PDK1: variants seen among roughly 807,000 people sequenced by gnomAD.
PDK1 encodes the protein [Pyruvate dehydrogenase (acetyl-transferring)] kinase isozyme 1, mitochondrial.
A neutral mutation model predicts 54.2 loss-of-function variants in PDK1; 39 were observed. That is an observed-to-expected ratio of 0.72 (90% CI 0.56 to 0.94). The LOEUF (loss-of-function observed/expected upper bound fraction) is 0.94. PDK1 is among the 40% of genes least tolerant of loss of function. PDK1 has a pLI of 0.00. For synonymous variants in PDK1, 221 were observed against 207.1 expected (o/e 1.07, Z -0.58); for missense variants, 552 against 566.0 (o/e 0.98, Z 0.25).
chr2:172,655,333 G>C, the PDK1 span, among the ~76,000 whole-genome samples: 2 of 104,988 alleles, frequency 1.9e-5, no homozygotes, highest in Non-Finnish European at 4.0e-5. Flanking sequence ...ACATTTCCCA[G>C]TGTTGAACAA....
the PDK1 span, among the ~76,000 whole-genome samples, chr2:172,622,375 ATG>A: frequency 2.8e-5 from 4 of 143,540 alleles, no homozygotes; most frequent in Non-Finnish European, 3.0e-5. Flanking sequence ...ATCATATATT[ATG>A]TGAGATATGT....
At chr2:172,700,234 C>T in the PDK1 span, among the ~76,000 whole-genome samples, 1 of 152,192 alleles carries the variant, frequency 6.6e-6, no homozygotes, top group Admixed American at 6.5e-5. Context: ...ACAAAACCGC[C>T]ATCGTCATCA....
At chr2:172,680,460 T>A in the PDK1 span, among the ~76,000 whole-genome samples, 18 of 152,244 alleles carry the variant, frequency 1.2e-4, no homozygotes, top group Admixed American at 1.3e-4. Context: ...CAAGTGATCC[T>A]CCCACCTCAG....
the PDK1 span, among the ~76,000 whole-genome samples, chr2:172,681,073 T>C: frequency 6.6e-6 from 1 of 152,254 alleles, no homozygotes; most frequent in Admixed American, 6.5e-5. Context: ...CTGCTAGATA[T>C]TGTGATCTCT....
chr2:172,643,450 G>A, the PDK1 span, among the ~76,000 whole-genome samples: 1 of 152,168 alleles, frequency 6.6e-6, no homozygotes, highest in Non-Finnish European at 1.5e-5. Flanking sequence ...GCTTCCGAGG[G>A]CTGTGCTGAG....
At chr2:172,684,448 A>C in the PDK1 span, among the ~76,000 whole-genome samples, 1 of 152,120 alleles carries the variant, frequency 6.6e-6, no homozygotes, top group Non-Finnish European at 1.5e-5. Flanking sequence ...AAGTAAGATA[A>C]AATAAAGAAT....
intron 10 of PDK1, among the ~76,000 whole-genome samples, chr2:172,593,465 T>C (rs1032303214): frequency 4.6e-5 from 7 of 152,156 alleles, no homozygotes; most frequent in Admixed American, 2.6e-4. Flanking sequence ...ATCATTTTAG[T>C]TTCTTTAAAC....
chr2:172,700,401 C>A, the PDK1 span, among the ~76,000 whole-genome samples: 1 of 149,784 alleles, frequency 6.7e-6, no homozygotes, highest in Admixed American at 6.6e-5. Flanking sequence ...AGTTCCCAGA[C>A]GGGGTCGTGG....
intron 2 of PDK1, among the ~76,000 whole-genome samples, chr2:172,561,466 C>T (rs977816840): frequency 2.0e-5 from 3 of 152,206 alleles, no homozygotes; most frequent in African/African-American, 7.2e-5. Context: ...AGGACAGTTG[C>T]AGATAAAGTG....
At chr2:172,700,509 C>G in the PDK1 span, among the ~76,000 whole-genome samples, 30 of 151,386 alleles carry the variant, frequency 2.0e-4, 1 homozygote, top group African/African-American at 7.3e-4. Context: ...AGGTGCTCCT[C>G]ACTTCCCAGA....
downstream of PDK1, among the ~76,000 whole-genome samples, chr2:172,608,829 C>T (rs1365277241): frequency 6.6e-6 from 1 of 152,132 alleles, no homozygotes; most frequent in African/African-American, 2.4e-5. Context: ...ACTAAGACAT[C>T]CACCATCCAC....
the PDK1 span, among the ~76,000 whole-genome samples, chr2:172,634,262 A>ATTATTATTATTATTATTATTAT: frequency 9.3e-5 from 13 of 139,464 alleles, no homozygotes; most frequent in African/African-American, 2.4e-4. Context: ...AAATCTATTT[A>ATTATTATTATTATTATTATTAT]TATTATTATT....
intron 1 of PDK1, among the ~76,000 whole-genome samples, chr2:172,556,868 T>A (rs1208434182): frequency 6.6e-6 from 1 of 152,268 alleles, no homozygotes; most frequent in Non-Finnish European, 1.5e-5. Context: ...CATTTCATCA[T>A]CAGCAAGTAA....
intron 5 of PDK1, 107 bp downstream of exon 5, chr2:172,565,180 C>A: frequency 1.5e-6 from 1 of 687,708 alleles, no homozygotes; most frequent in Non-Finnish European, 2.6e-6. Context: ...ATGGTAGGCA[C>A]AAATGCATGG....
the PDK1 span, among the ~76,000 whole-genome samples, chr2:172,701,838 C>G: frequency 6.6e-6 from 1 of 152,064 alleles, no homozygotes; most frequent in East Asian, 1.9e-4. Flanking sequence ...TTTTAAGAGA[C>G]AGTTCATTTA....
chr2:172,587,246 A>G (rs1690285108), intron 9 of PDK1, among the ~76,000 whole-genome samples: 2 of 152,152 alleles, frequency 1.3e-5, no homozygotes, highest in African/African-American at 4.8e-5. Flanking sequence ...GTTACTTCAG[A>G]TGTTCAGATG....
At chr2:172,594,107 G>C (rs1311291005) in intron 10 of PDK1, among the ~76,000 whole-genome samples, 3 of 148,396 alleles carry the variant, frequency 2.0e-5, no homozygotes, top group Admixed American at 6.8e-5. Context: ...GCATGATCTC[G>C]GCTCACTGCA....
intron 10 of PDK1, among the ~76,000 whole-genome samples, chr2:172,594,123 C>T (rs1232958271): frequency 2.6e-5 from 4 of 151,264 alleles, no homozygotes; most frequent in Admixed American, 2.6e-4. Flanking sequence ...CTGCAACCTC[C>T]GCCTCCCGGG....
the PDK1 span, among the ~76,000 whole-genome samples, chr2:172,654,969 C>T: frequency 6.6e-6 from 1 of 152,166 alleles, no homozygotes; most frequent in African/African-American, 2.4e-5. Context: ...ATACTCAGTA[C>T]TGCCTTGTCA....
Sources: allele counts gnomAD v4.1 joint callset (sites outside exome capture counted in the v4.1 genomes callset), GRCh38; gene constraint gnomAD v4.1.1; transcripts MANE v1.5; gene names NCBI Gene and HGNC (gene_info 2026-07-23, HGNC 2026-07-21).